DLEU7: variants seen among roughly 807,000 people sequenced by gnomAD.
The protein encoded by DLEU7 is leukemia-associated protein 7.
DLEU7 carries 17 observed loss-of-function variants against 16.0 expected under a neutral mutation model. The ratio of observed to expected loss-of-function variants is 1.06; its 90% CI spans 0.73 to 1.59. The LOEUF is 1.59. DLEU7 is among the 40% of genes most tolerant of loss of function. The pLI is 0.00. For synonymous variants in DLEU7, 113 were observed against 139.8 expected, an observed-to-expected ratio of 0.81 and a Z score of 1.35; for missense variants, 308 against 314.9, an observed-to-expected ratio of 0.98 and a Z score of 0.17.
chr13:50,796,054 A>G (rs1652961898), intron 1 of DLEU7, among the ~76,000 whole-genome samples: 1 of 146,186 alleles, frequency 6.8e-6, no homozygotes, highest in Admixed American at 7.0e-5. Flanking sequence ...TTTTCTCAGC[A>G]TACCACCAGG....
chr13:50,801,401 G>C (rs146773453), intron 1 of DLEU7, among the ~76,000 whole-genome samples: 12 of 152,178 alleles, frequency 7.9e-5, no homozygotes, highest in South Asian at 4.2e-4. Flanking sequence ...TTCATACTTC[G>C]AAGTGTCATC....
chr13:50,711,258 TC>T (rs1276605531), downstream of DLEU7: 1 of 152,204 alleles, frequency 6.6e-6, no homozygotes, highest in Non-Finnish European at 1.5e-5. Flanking sequence ...ACCAATTAAT[TC>T]AATGACAAAA....
chr13:50,720,601 A>C (rs920523986), intron 1 of DLEU7, among the ~76,000 whole-genome samples: 2 of 152,220 alleles, frequency 1.3e-5, no homozygotes, highest in East Asian at 3.9e-4. Context: ...CAGATTAACA[A>C]ATTCTCAAAC....
intron 1 of DLEU7, among the ~76,000 whole-genome samples, chr13:50,752,768 T>C (rs1408070472): frequency 1.3e-5 from 2 of 152,056 alleles, no homozygotes; most frequent in Admixed American, 1.3e-4. Flanking sequence ...ATAAAGGCAG[T>C]GTGGACCCAA....
At chr13:50,834,556 G>GT (rs1237636107) in intron 1 of DLEU7, among the ~76,000 whole-genome samples, 1 of 152,184 alleles carries the variant, frequency 6.6e-6, no homozygotes, top group East Asian at 1.9e-4. Flanking sequence ...ATGCGGGAGA[G>GT]TATGTGGAGA....
chr13:50,775,964 G>A (rs971938616), intron 1 of DLEU7, among the ~76,000 whole-genome samples: 1 of 152,040 alleles, frequency 6.6e-6, no homozygotes, highest in African/African-American at 2.4e-5. Flanking sequence ...TCTATCAATT[G>A]AGTTTTATTT....
chr13:50,841,944 C>A (rs956698370), intron 1 of DLEU7, among the ~76,000 whole-genome samples: 1 of 151,904 alleles, frequency 6.6e-6, no homozygotes, highest in Non-Finnish European at 1.5e-5. Context: ...CCCACCCCAC[C>A]GCCCCCGCCA....
intron 1 of DLEU7, among the ~76,000 whole-genome samples, chr13:50,790,852 T>A (rs906732975): frequency 6.6e-6 from 1 of 152,170 alleles, no homozygotes; most frequent in Non-Finnish European, 1.5e-5. Flanking sequence ...TGAGGCTTTG[T>A]GCTCTTTAGA....
chr13:50,756,347 C>G (rs1451326364), intron 1 of DLEU7, among the ~76,000 whole-genome samples: 1 of 152,136 alleles, frequency 6.6e-6, no homozygotes, highest in Non-Finnish European at 1.5e-5. Context: ...AGGGGCAGGA[C>G]TAGGCATGTC....
intron 1 of DLEU7, among the ~76,000 whole-genome samples, chr13:50,826,674 A>T (rs1328196891): frequency 6.6e-6 from 1 of 152,198 alleles, no homozygotes; most frequent in African/African-American, 2.4e-5. Flanking sequence ...GTAGATCCAA[A>T]ACAGAAATCT....
intron 1 of DLEU7, among the ~76,000 whole-genome samples, chr13:50,831,112 G>A (rs1401563130): frequency 6.7e-6 from 1 of 148,674 alleles, no homozygotes; most frequent in Non-Finnish European, 1.5e-5. Context: ...GTAAGGAGGA[G>A]GAGAGGGGAG....
intron 1 of DLEU7, among the ~76,000 whole-genome samples, chr13:50,762,877 C>A (rs1874980920): frequency 6.6e-6 from 1 of 151,532 alleles, no homozygotes. Context: ...AGATCTGCAT[C>A]CAGGAAGGGA....
At chr13:50,842,869 G>C (rs1566272052) in intron 1 of DLEU7, among the ~76,000 whole-genome samples, 4 of 152,214 alleles carry the variant, frequency 2.6e-5, no homozygotes, top group Non-Finnish European at 5.9e-5. Flanking sequence ...CAAGCTGCAC[G>C]TGTGGAAAGG....
chr13:50,751,994 G>C (rs1049915962), intron 1 of DLEU7, among the ~76,000 whole-genome samples: 1 of 149,120 alleles, frequency 6.7e-6, no homozygotes, highest in African/African-American at 2.5e-5. Flanking sequence ...GGTTTGGTTT[G>C]TTCTTGTTTC....
chr13:50,753,629 C>T (rs918217261), intron 1 of DLEU7, among the ~76,000 whole-genome samples: 13 of 152,202 alleles, frequency 8.5e-5, no homozygotes, highest in African/African-American at 1.4e-4. Flanking sequence ...CACGCCCACC[C>T]GGAACTCGCA....
chr13:50,792,577 C>A (rs1296298913), intron 1 of DLEU7, among the ~76,000 whole-genome samples: 1 of 152,112 alleles, frequency 6.6e-6, no homozygotes, highest in Non-Finnish European at 1.5e-5. Context: ...CTTCTACTAT[C>A]TCTTCTTCTC....
At chr13:50,746,030 G>A (rs1183791765) in intron 1 of DLEU7, among the ~76,000 whole-genome samples, 1 of 152,060 alleles carries the variant, frequency 6.6e-6, no homozygotes, top group Non-Finnish European at 1.5e-5. Context: ...CTAGACCAAG[G>A]CCATAGACAG....
intron 1 of DLEU7, among the ~76,000 whole-genome samples, chr13:50,769,601 T>C (rs971847896): frequency 4.6e-5 from 7 of 152,306 alleles, no homozygotes; most frequent in South Asian, 4.1e-4. Flanking sequence ...TGGTTGTATA[T>C]GCCGGTGTTA....
intron 1 of DLEU7, among the ~76,000 whole-genome samples, chr13:50,755,907 C>A (rs1392109820): frequency 1.3e-5 from 2 of 152,104 alleles, no homozygotes; most frequent in Non-Finnish European, 2.9e-5. Flanking sequence ...ATGGGGTGTT[C>A]CCTTGATGCA....
Sources: gnomAD v4.1 joint callset for allele counts (sites outside exome capture counted in the v4.1 genomes callset) on GRCh38, gnomAD v4.1.1 for gene constraint, MANE v1.5 for transcripts, NCBI Gene and HGNC (gene_info 2026-07-23, HGNC 2026-07-21) for gene names.